The following FRRS1L variants were observed in gnomAD, a reference collection of about 807,000 sequenced individuals.
FRRS1L encodes the protein ferric chelate reductase 1 like.
A neutral mutation model predicts 28.6 loss-of-function variants in FRRS1L; 22 were observed. The observed-to-expected ratio is 0.77, with a 90% CI of 0.55 to 1.10. The LOEUF is 1.10. Ranked by LOEUF, FRRS1L falls within the 50% of genes least tolerant of loss-of-function variation. FRRS1L has a pLI of 0.00. For missense variants in FRRS1L, 380 were observed against 386.9 expected (o/e 0.98, Z 0.15); for synonymous variants, 158 against 151.4 (o/e 1.04, Z -0.32).
intron 1 of FRRS1L, 46 bp downstream of exon 1, chr9:109,166,855 C>T: frequency 1.4e-6 from 1 of 700,688 alleles, no homozygotes; most frequent in Non-Finnish European, 1.9e-6. Flanking sequence ...CGGTCCCCCA[C>T]CCCCGGTCTC....
intron 1 of FRRS1L, among the ~76,000 whole-genome samples, chr9:109,155,531 T>C (rs1163795049): frequency 6.6e-6 from 1 of 151,984 alleles, no homozygotes; most frequent in African/African-American, 2.4e-5. Context: ...CTGGCCAACA[T>C]GGTGAAACCC....
chr9:109,139,073 T>A (rs1484779844), intron 4 of FRRS1L: 3 of 151,776 alleles, frequency 2.0e-5, no homozygotes, highest in Non-Finnish European at 4.4e-5. Flanking sequence ...GTGGTGGGCA[T>A]CTGTAATCCC....
intron 1 of FRRS1L, among the ~76,000 whole-genome samples, chr9:109,152,820 A>G (rs1831350274): frequency 7.8e-6 from 1 of 128,620 alleles, no homozygotes; most frequent in African/African-American, 2.6e-5. Flanking sequence ...AAAAAAAAAA[A>G]AAAAAAAAAA....
intron 1 of FRRS1L, among the ~76,000 whole-genome samples, chr9:109,165,673 C>A (rs897194509): frequency 7.9e-5 from 12 of 152,236 alleles, no homozygotes; most frequent in African/African-American, 2.9e-4. Context: ...CTAATAGGCT[C>A]TATTTTACAT....
intron 3 of FRRS1L, among the ~76,000 whole-genome samples, chr9:109,145,275 G>T (rs1284891869): frequency 6.6e-6 from 1 of 152,248 alleles, no homozygotes; most frequent in Non-Finnish European, 1.5e-5. Flanking sequence ...CCCCGCCTGT[G>T]CCTGGCCACA....
At chr9:109,164,807 G>A (rs1455421383) in intron 1 of FRRS1L, among the ~76,000 whole-genome samples, 2 of 152,160 alleles carry the variant, frequency 1.3e-5, no homozygotes, top group African/African-American at 2.4e-5. Context: ...ACTAGGGATC[G>A]GTACAAAGCC....
chr9:109,140,232 G>A (rs72761803), intron 4 of FRRS1L: 11,705 of 152,362 alleles, frequency 0.077, 603 homozygotes, highest in Middle Eastern at 0.11. Context: ...CTGGTGGATC[G>A]GTTGAGCCCA....
chr9:109,133,717 A>G lies in FRRS1L; in HGVS notation c.*3738T>C, dbSNP rs577067261. On this transcript the variant is annotated 3_prime_UTR_variant, in exon 5 of 5. Transcript: ENST00000561981. Reference sequence around the variant, plus strand: ...CGGTGAGGATTAAATGAGTTAATTCATGTAAAGTGCTTAGAACAGCACTAA... The same window carrying G: ...CGGTGAGGATTAAATGAGTTAATTCGTGTAAAGTGCTTAGAACAGCACTAA... 3 of 152,382 alleles carry G rather than the reference A, an allele frequency of 2.0e-5. No individual in the cohort carries two copies. The highest frequency in any genetic ancestry group is 4.4e-5 in the Non-Finnish European group (3 of 68,038). 9.4% of individuals were successfully genotyped at this position (152,382 alleles called of 1,614,324 possible).
At position 109,167,213 on chromosome 9, in the gene FRRS1L, C is replaced by T. The variant is rs1831568427; in HGVS notation, c.-75G>A. Reference sequence around the variant, plus strand: ...CCGCGGGCGCGGGCCGGGACTGAGCCTCCGCCGAGGCCACCAGCACGCGCC... The same window carrying T: ...CCGCGGGCGCGGGCCGGGACTGAGCTTCCGCCGAGGCCACCAGCACGCGCC... On this transcript the variant is annotated 5_prime_UTR_variant, in exon 1 of 5. Coordinates refer to ENST00000561981, the MANE Select transcript of FRRS1L (RefSeq NM_014334.4). The T allele has an allele frequency of 2.3e-6, 3 of 1,322,460 alleles. No individual in the cohort carries two copies. 81.9% of individuals were successfully genotyped at this position (1,322,460 alleles called of 1,614,324 possible).
At chr9:109,153,093 C>G (rs12553810) in intron 1 of FRRS1L, among the ~76,000 whole-genome samples, 48,427 of 151,978 alleles carry the variant, frequency 0.32, 8,085 homozygotes, top group Middle Eastern at 0.37. Context: ...TGGCCTTTGT[C>G]CCTGGTTTCT....
intron 4 of FRRS1L, chr9:109,139,018 G>A (rs1350008648): frequency 6.6e-6 from 1 of 152,090 alleles, no homozygotes; most frequent in Non-Finnish European, 1.5e-5. Flanking sequence ...GGCAAACATG[G>A]TGACACAGCG....
rs1831124296 is a variant in FRRS1L at position 109,137,292 on chromosome 9, T to C, written c.*163A>G. On this transcript the variant is annotated 3_prime_UTR_variant, in exon 5 of 5. Coordinates refer to ENST00000561981, the MANE Select transcript of FRRS1L (RefSeq NM_014334.4). ...ATAGGGTCATTATTAAACAATCTTC[T>C]TTGACTACAAAAGAAGCTTGTTCTT... The C allele has an allele frequency of 4.6e-6, 2 of 432,134 alleles. No homozygotes were observed. The highest frequency in any genetic ancestry group is 4.1e-6 in the Non-Finnish European group (1 of 245,924). The allele number at this position is 432,134 out of a possible 1,614,324, so 26.8% of individuals were successfully genotyped here. A position where few individuals can be genotyped will look rare whatever the true frequency, so the allele number is the denominator to read the frequency against.
intron 1 of FRRS1L, among the ~76,000 whole-genome samples, chr9:109,153,414 G>A (rs1018056073): frequency 2.6e-5 from 4 of 152,160 alleles, no homozygotes; most frequent in Admixed American, 1.3e-4. Context: ...TGAACACATC[G>A]ATGTGCTGGG....
chr9:109,164,327 T>C (rs1003210796), intron 1 of FRRS1L, among the ~76,000 whole-genome samples: 2 of 151,356 alleles, frequency 1.3e-5, no homozygotes, highest in African/African-American at 4.9e-5. Flanking sequence ...GATATGGTTG[T>C]AAAAGGAAGT....
chr9:109,158,317 C>T (rs1312057614), intron 1 of FRRS1L, among the ~76,000 whole-genome samples: 1 of 152,126 alleles, frequency 6.6e-6, no homozygotes, highest in Non-Finnish European at 1.5e-5. Flanking sequence ...ATTAGCTTAT[C>T]TGCTTTCATT....
chr9:109,159,528 G>A (rs1297248650), intron 1 of FRRS1L, among the ~76,000 whole-genome samples: 2 of 152,192 alleles, frequency 1.3e-5, no homozygotes, highest in Admixed American at 6.5e-5. Context: ...TGCCAGGCAT[G>A]GTGGGACCCA....
rs1479722574 is a variant in FRRS1L, at chr9:109,149,883, G to A, written c.239-163C>T. 9.9e-6 allele frequency: 6 copies of A among 608,028 alleles called. No homozygotes were observed. The Admixed American group carries it at 1.1e-4, about 12-fold the overall frequency. The allele number at this position is 608,028 out of a possible 1,614,324, so 37.7% of individuals were successfully genotyped here. On this transcript the variant is annotated intron_variant, in intron 1 of 4. Coordinates refer to ENST00000561981, the MANE Select transcript of FRRS1L (RefSeq NM_014334.4). ...CTAATCATCCCCTTCATGGGGGAGG[G>A]TGTAGGACACACACCTTTGGACCTA...
rs190740244 is a variant in FRRS1L at position 109,152,407 on chromosome 9, C to T, written c.239-2687G>A. On this transcript the variant is annotated intron_variant, in intron 1 of 4. Transcript: ENST00000561981. Reference sequence around the variant, plus strand: ...TCGTGATCCGCCTGCCTCAGCCTCCCAAAGTGCTGGGATTACAGGCATGAG... The same window carrying T: ...TCGTGATCCGCCTGCCTCAGCCTCCTAAAGTGCTGGGATTACAGGCATGAG... Among the ~76,000 whole-genome samples the T allele has an allele frequency of 8.0e-4, 122 of 152,138 alleles. 1 individual carries two copies. The East Asian group carries it at 0.015, about 19-fold the overall frequency.
In FRRS1L at chr9:109,167,185, G is replaced by A. The variant is rs1831567095; in HGVS notation, c.-47C>T. On this transcript the variant is annotated 5_prime_UTR_variant, in exon 1 of 5. Transcript: ENST00000561981. ...CCAGGCCGCTCGGGCCGCAGCGGGG[G>A]CGCCGCGGGCGCGGGCCGGGACTGA... 5 of 1,161,190 alleles carry A rather than the reference G, an allele frequency of 4.3e-6. No individual in the cohort carries two copies. Among genetic ancestry groups the A allele is most frequent in the Non-Finnish European group, 5.3e-6 (5 of 945,240 alleles). The allele number at this position is 1,161,190 out of a possible 1,614,324, so 71.9% of individuals were successfully genotyped here. A position where few individuals can be genotyped will look rare whatever the true frequency, so the allele number is the denominator to read the frequency against.
Sources: allele counts gnomAD v4.1 joint callset (sites outside exome capture counted in the v4.1 genomes callset), GRCh38; gene constraint gnomAD v4.1.1; transcripts MANE v1.5; gene names NCBI Gene and HGNC (gene_info 2026-07-23, HGNC 2026-07-21).